CLSTN2: variants seen among roughly 807,000 people sequenced by gnomAD.
CLSTN2 encodes the protein calsyntenin-2.
Under a neutral mutation model 101.2 loss-of-function variants are expected in CLSTN2, and 48 were observed. The ratio of observed to expected loss-of-function variants is 0.47; its 90% confidence interval spans 0.38 to 0.60. The LOEUF is 0.60. CLSTN2 is among the 20% of genes least tolerant of loss of function. CLSTN2 has a pLI of 0.00. For missense variants in CLSTN2, 1,160 were observed against 1,238.2 expected, an observed-to-expected ratio of 0.94 and a Z score of 0.95; for synonymous variants, 481 against 463.6, an observed-to-expected ratio of 1.04 and a Z score of -0.48.
At chr3:140,282,688 C>T (rs2086859563) in intron 2 of CLSTN2, among the ~76,000 whole-genome samples, 1 of 152,042 alleles carries the variant, frequency 6.6e-6, no homozygotes, top group African/African-American at 2.4e-5. Context: ...CTGTGTACAC[C>T]AAGAAAACCA....
chr3:140,474,300 C>T (rs760756883), intron 8 of CLSTN2, among the ~76,000 whole-genome samples: 1 of 152,070 alleles, frequency 6.6e-6, no homozygotes, highest in African/African-American at 2.4e-5. Flanking sequence ...TACCACAGGT[C>T]TCCACAGCCC....
At chr3:140,210,859 C>T (rs1209597969) in intron 2 of CLSTN2, among the ~76,000 whole-genome samples, 2 of 152,066 alleles carry the variant, frequency 1.3e-5, no homozygotes, top group Non-Finnish European at 2.9e-5. Context: ...GTAACAAGCA[C>T]CTAAATAGCT....
intron 2 of CLSTN2, among the ~76,000 whole-genome samples, chr3:140,378,541 G>T (rs1284398632): frequency 6.6e-6 from 1 of 152,226 alleles, no homozygotes; most frequent in Admixed American, 6.5e-5. Flanking sequence ...TTTATTTATT[G>T]TTGGTGCTAT....
intron 2 of CLSTN2, among the ~76,000 whole-genome samples, chr3:140,249,157 T>C (rs978035321): frequency 6.6e-6 from 1 of 152,144 alleles, no homozygotes; most frequent in Non-Finnish European, 1.5e-5. Flanking sequence ...TTGGTACAAG[T>C]CAGGCCCTAC....
At chr3:140,159,761 C>G (rs771853776) in intron 1 of CLSTN2, among the ~76,000 whole-genome samples, 1 of 152,094 alleles carries the variant, frequency 6.6e-6, no homozygotes, top group African/African-American at 2.4e-5. Context: ...TGGAATCAAC[C>G]CAGTTGCCTA....
chr3:140,341,276 A>C (rs890172063), intron 2 of CLSTN2, among the ~76,000 whole-genome samples: 2 of 152,112 alleles, frequency 1.3e-5, no homozygotes, highest in South Asian at 2.1e-4. Flanking sequence ...TTGTCTTGGC[A>C]TGGTTTTCAA....
chr3:140,309,076 T>C (rs958712887), intron 2 of CLSTN2, among the ~76,000 whole-genome samples: 2 of 152,256 alleles, frequency 1.3e-5, no homozygotes, highest in African/African-American at 4.8e-5. Context: ...TGACTCTGTC[T>C]TCTCTGTTCC....
At chr3:140,268,509 G>T (rs755881574) in intron 2 of CLSTN2, among the ~76,000 whole-genome samples, 3 of 152,206 alleles carry the variant, frequency 2.0e-5, no homozygotes, top group Non-Finnish European at 2.9e-5. Flanking sequence ...AGGCAGGACT[G>T]GGTGTTGTGA....
intron 1 of CLSTN2, among the ~76,000 whole-genome samples, chr3:139,960,163 A>C (rs949160082): frequency 2.7e-4 from 41 of 152,204 alleles, no homozygotes; most frequent in African/African-American, 8.9e-4. Context: ...TCTTTAGTGT[A>C]AATGCTCCCA....
At chr3:140,062,513 T>C (rs968283102) in intron 1 of CLSTN2, among the ~76,000 whole-genome samples, 3 of 152,184 alleles carry the variant, frequency 2.0e-5, no homozygotes, top group Admixed American at 6.5e-5. Flanking sequence ...CCCAGTTCCA[T>C]GTGAGCAGAC....
At chr3:140,285,724 C>T (rs922565) in intron 2 of CLSTN2, among the ~76,000 whole-genome samples, 142,686 of 152,226 alleles carry the variant, frequency 0.94, 67,527 homozygotes, top group East Asian at 1. Flanking sequence ...GCTGGTCAGG[C>T]GACCATATCT....
At chr3:139,940,921 T>C (rs1039782269) in intron 1 of CLSTN2, among the ~76,000 whole-genome samples, 8 of 152,100 alleles carry the variant, frequency 5.3e-5, no homozygotes, top group African/African-American at 1.9e-4. Context: ...TTCTGGTCTC[T>C]GGAGGGAGAG....
chr3:140,455,921 T>C (rs976711186), intron 6 of CLSTN2, among the ~76,000 whole-genome samples: 6 of 152,186 alleles, frequency 3.9e-5, no homozygotes, highest in Non-Finnish European at 7.3e-5. Flanking sequence ...GAAAGTGGCC[T>C]GCCGCTCCCC....
At chr3:140,544,062 C>T (rs1935538467) in intron 9 of CLSTN2, among the ~76,000 whole-genome samples, 1 of 152,240 alleles carries the variant, frequency 6.6e-6, no homozygotes, top group African/African-American at 2.4e-5. Context: ...AAGACAACCA[C>T]AGGGCCCACC....
intron 9 of CLSTN2, among the ~76,000 whole-genome samples, chr3:140,544,380 A>C (rs10513122): frequency 0.068 from 10,348 of 152,242 alleles, 509 homozygotes; most frequent in African/African-American, 0.13. Context: ...GGTGGCACAA[A>C]GGATAGAGAT....
At chr3:140,355,431 A>G (rs554011935) in intron 2 of CLSTN2, among the ~76,000 whole-genome samples, 1 of 152,332 alleles carries the variant, frequency 6.6e-6, no homozygotes, top group South Asian at 2.1e-4. Context: ...CTCAGCATAT[A>G]GCATAGTTCC....
chr3:140,041,051 T>G (rs2107763726), intron 1 of CLSTN2, among the ~76,000 whole-genome samples: 1 of 152,270 alleles, frequency 6.6e-6, no homozygotes, highest in African/African-American at 2.4e-5. Context: ...AGATTGGAGA[T>G]ATCTTTCACC....
chr3:140,109,160 C>T (rs754658184), intron 1 of CLSTN2, among the ~76,000 whole-genome samples: 14 of 152,096 alleles, frequency 9.2e-5, no homozygotes, highest in Non-Finnish European at 2.1e-4. Context: ...CACATGGAAA[C>T]GTCTTATTTT....
At chr3:139,973,641 C>A (rs1439525220) in intron 1 of CLSTN2, among the ~76,000 whole-genome samples, 1 of 151,936 alleles carries the variant, frequency 6.6e-6, no homozygotes, top group African/African-American at 2.4e-5. Flanking sequence ...TCTTTTCTTT[C>A]TTTCTTTTTT....
Sources: allele counts gnomAD v4.1 joint callset (sites outside exome capture counted in the v4.1 genomes callset), GRCh38; gene constraint gnomAD v4.1.1; transcripts MANE v1.5; gene names NCBI Gene and HGNC (gene_info 2026-07-23, HGNC 2026-07-21).